KCNMA1: variants seen among roughly 807,000 people sequenced by gnomAD.
KCNMA1 encodes the protein Calcium-activated potassium channel subunit alpha-1.
In KCNMA1, 29 loss-of-function variants were observed where a neutral mutation model predicts 140.0. The observed-to-expected ratio is 0.21, with a 90% CI of 0.15 to 0.28. The LOEUF is 0.28. KCNMA1 is among the 10% of genes least tolerant of loss of function. The pLI, the probability that KCNMA1 is intolerant of heterozygous loss-of-function variation, is 1.00. For missense variants in KCNMA1, 880 were observed against 1,602.2 expected, an observed-to-expected ratio of 0.55 and a Z score of 7.70; for synonymous variants, 612 against 611.9, an observed-to-expected ratio of 1.00 and a Z score of 0.00.
In KCNMA1 at chr10:77,246,567, A is replaced by G. The variant is rs558458813; in HGVS notation, c.602+4628T>C. On this transcript the variant is annotated intron_variant, in intron 3 of 27. Coordinates refer to ENST00000286628, the MANE Select transcript of KCNMA1 (RefSeq NM_001161352.2). ...TGCTAAAGCTCTGGACATCCCCAATACATCAATGGTGCCAGTTTTATTTTC... is the reference window on the plus strand; with the variant it reads ...TGCTAAAGCTCTGGACATCCCCAATGCATCAATGGTGCCAGTTTTATTTTC... Among the ~76,000 whole-genome samples, 13 of 152,304 alleles carry G rather than the reference A, an allele frequency of 8.5e-5. No individual in the cohort carries two copies. In the South Asian group the frequency reaches 2.7e-3, roughly 32 times the overall value.
chr10:76,972,771 G>A (rs2076419135), intron 19 of KCNMA1, among the ~76,000 whole-genome samples: 1 of 152,146 alleles, frequency 6.6e-6, no homozygotes, highest in African/African-American at 2.4e-5. Flanking sequence ...GGGGGAAAAT[G>A]TCTCCAGCTT....
intron 5 of KCNMA1, among the ~76,000 whole-genome samples, chr10:77,168,356 C>A (rs1400808356): frequency 6.6e-6 from 1 of 152,146 alleles, no homozygotes; most frequent in East Asian, 1.9e-4. Context: ...TGCTTAATGA[C>A]AGGGATGTGT....
chr10:77,462,782 T>C (rs1466933717), intron 1 of KCNMA1, among the ~76,000 whole-genome samples: 1 of 152,218 alleles, frequency 6.6e-6, no homozygotes, highest in Non-Finnish European at 1.5e-5. Flanking sequence ...AGTCGTCTCA[T>C]GCCTGGGCCT....
intron 1 of KCNMA1, among the ~76,000 whole-genome samples, chr10:77,558,978 A>G (rs1480254496): frequency 6.6e-6 from 1 of 152,188 alleles, no homozygotes; most frequent in Non-Finnish European, 1.5e-5. Flanking sequence ...GTAACATAGC[A>G]GTTGCAGTGA....
chr10:76,961,129 A>T (rs978867216), intron 20 of KCNMA1, among the ~76,000 whole-genome samples: 28 of 150,956 alleles, frequency 1.9e-4, no homozygotes, highest in African/African-American at 6.6e-4. Context: ...AAATTGAAAA[A>T]CTTCTGAAAA....
At chr10:77,527,393 T>C (rs1223929012) in intron 1 of KCNMA1, among the ~76,000 whole-genome samples, 1 of 152,194 alleles carries the variant, frequency 6.6e-6, no homozygotes, top group African/African-American at 2.4e-5. Context: ...GTATCATCTG[T>C]GGGGGCTGCT....
intron 5 of KCNMA1, among the ~76,000 whole-genome samples, chr10:77,129,057 G>A (rs1024287397): frequency 5.9e-5 from 9 of 152,290 alleles, no homozygotes; most frequent in Middle Eastern, 3.4e-3. Context: ...CAGATTCAAC[G>A]GGTCTGGGAT....
intron 15 of KCNMA1, among the ~76,000 whole-genome samples, chr10:77,031,025 T>C (rs1321973956): frequency 6.6e-6 from 1 of 152,200 alleles, no homozygotes; most frequent in Non-Finnish European, 1.5e-5. Context: ...TTGCCCTTCC[T>C]ATGCAGATAA....
chr10:77,623,542 A>C (rs990532744), intron 1 of KCNMA1, among the ~76,000 whole-genome samples: 3 of 145,948 alleles, frequency 2.1e-5, no homozygotes, highest in African/African-American at 7.6e-5. Flanking sequence ...CTAAAAATAC[A>C]AAAAAAAAAA....
intron 3 of KCNMA1, among the ~76,000 whole-genome samples, chr10:77,195,533 A>C (rs1189947318): frequency 1.3e-5 from 2 of 152,158 alleles, no homozygotes; most frequent in Non-Finnish European, 2.9e-5. Flanking sequence ...AACTTCATGA[A>C]AGTAATGTCT....
intron 1 of KCNMA1, among the ~76,000 whole-genome samples, chr10:77,613,627 T>A (rs2087953106): frequency 1.3e-5 from 2 of 152,182 alleles, no homozygotes; most frequent in Non-Finnish European, 2.9e-5. Context: ...GTGCTGTTAT[T>A]TCCCCGTGTG....
intron 3 of KCNMA1, among the ~76,000 whole-genome samples, chr10:77,207,540 T>C (rs975721925): frequency 6.6e-6 from 1 of 152,160 alleles, no homozygotes; most frequent in Non-Finnish European, 1.5e-5. Context: ...AAGCTGCTTG[T>C]AGACCTAGAG....
intron 2 of KCNMA1, among the ~76,000 whole-genome samples, chr10:77,348,929 A>G (rs369802043): frequency 1.9e-3 from 296 of 152,334 alleles, no homozygotes; most frequent in Middle Eastern, 3.4e-3. Context: ...TTCTCTGAGC[A>G]AATCTAAAAT....
At chr10:77,215,867 C>A (rs551316647) in intron 3 of KCNMA1, among the ~76,000 whole-genome samples, 1 of 150,350 alleles carries the variant, frequency 6.7e-6, no homozygotes, top group Non-Finnish European at 1.5e-5. Flanking sequence ...GCTTGCCCCT[C>A]CCCCCCACCT....
At chr10:76,882,717 C>T (rs1329895004), downstream of KCNMA1, among the ~76,000 whole-genome samples, 1 of 152,216 alleles carries the variant, frequency 6.6e-6, no homozygotes, top group African/African-American at 2.4e-5. Flanking sequence ...CTTGGTCCAG[C>T]CAACACCCTG....
rs183788545 is a variant in KCNMA1, at chr10:77,394,885, G to A, written c.540+8977C>T. On this transcript the variant is annotated intron_variant, in intron 2 of 27. Transcript: ENST00000286628. ...TAGGCTGGTGGGTGTTTTGGACTCC[G>A]GATACTACTCAACTCTGCCTTTGTA... is the stretch of plus-strand genomic sequence containing the variant. Among the ~76,000 whole-genome samples the A allele has an allele frequency of 1.1e-3, 165 of 152,196 alleles. 1 individual carries two copies. The highest frequency in any genetic ancestry group is 3.8e-3 in the African/African-American group (156 of 41,502).
At chr10:77,195,520 G>A (rs2040164729) in intron 3 of KCNMA1, among the ~76,000 whole-genome samples, 1 of 151,990 alleles carries the variant, frequency 6.6e-6, no homozygotes, top group African/African-American at 2.4e-5. Flanking sequence ...TTTCCTTCTT[G>A]ACAACTTCAT....
chr10:77,014,757 G>A (rs763050780), intron 17 of KCNMA1, among the ~76,000 whole-genome samples: 11 of 152,146 alleles, frequency 7.2e-5, no homozygotes, highest in East Asian at 5.8e-4. Context: ...GGCAAGGGTC[G>A]GGGGTGTCCA....
At chr10:77,088,826 C>T (rs1469187149) in intron 10 of KCNMA1, among the ~76,000 whole-genome samples, 1 of 152,202 alleles carries the variant, frequency 6.6e-6, no homozygotes. Flanking sequence ...ATACCTCATT[C>T]AGAAGCCTGC....
Sources: gnomAD v4.1 joint callset for allele counts (sites outside exome capture counted in the v4.1 genomes callset) on GRCh38, gnomAD v4.1.1 for gene constraint, MANE v1.5 for transcripts, NCBI Gene and HGNC (gene_info 2026-07-23, HGNC 2026-07-21) for gene names.